Variants in WWOX observed in about 807,000 individuals in gnomAD.
WWOX encodes WW domain containing oxidoreductase.
WWOX carries 69 observed loss-of-function variants against 46.2 expected under a neutral mutation model. The observed-to-expected ratio is 1.49, with a 90% CI of 1.23 to 1.82. The LOEUF (loss-of-function observed/expected upper bound fraction) is 1.82. WWOX is among the 40% of genes most tolerant of loss of function. The pLI is 0.00. For synonymous variants in WWOX, 359 were observed against 202.6 expected, an observed-to-expected ratio of 1.77 and a Z score of -6.56; for missense variants, 919 against 542.6, an observed-to-expected ratio of 1.69 and a Z score of -6.89.
chr16:78,332,775 A>G (rs1263065395), intron 5 of WWOX, among the ~76,000 whole-genome samples: 1 of 152,118 alleles, frequency 6.6e-6, no homozygotes, highest in Non-Finnish European at 1.5e-5. Flanking sequence ...GTGCATTCAG[A>G]ACTTTACTAA....
intron 8 of WWOX, among the ~76,000 whole-genome samples, chr16:78,567,133 A>G (rs941030067): frequency 6.6e-6 from 1 of 152,220 alleles, no homozygotes; most frequent in African/African-American, 2.4e-5. Flanking sequence ...AGTAAAGATC[A>G]CAAGCCCAAC....
intron 1 of WWOX, among the ~76,000 whole-genome samples, chr16:78,103,381 GC>G (rs778779832): frequency 6.6e-6 from 1 of 151,692 alleles, no homozygotes; most frequent in African/African-American, 2.4e-5. Flanking sequence ...TAGTTGTTCA[GC>G]CCCCCGTGCA....
chr16:78,110,731 T>TC (rs1416122916), intron 3 of WWOX, among the ~76,000 whole-genome samples: 1 of 152,126 alleles, frequency 6.6e-6, no homozygotes, highest in Non-Finnish European at 1.5e-5. Context: ...GGTCATTGGA[T>TC]CCCCACAGTG....
intron 5 of WWOX, among the ~76,000 whole-genome samples, chr16:78,276,403 G>A (rs1035334774): frequency 3.3e-5 from 5 of 152,190 alleles, no homozygotes; most frequent in African/African-American, 4.8e-5. Flanking sequence ...TAACCCAAGC[G>A]ACACATACAA....
chr16:79,048,786 C>G (rs1035540978), intron 8 of WWOX, among the ~76,000 whole-genome samples: 6 of 152,210 alleles, frequency 3.9e-5, no homozygotes, highest in African/African-American at 1.4e-4. Context: ...TCGTTACCAC[C>G]TTTCTGAGAA....
At chr16:78,994,266 C>A (rs1042860372) in intron 8 of WWOX, 1 of 151,938 alleles carries the variant, frequency 6.6e-6, no homozygotes. Context: ...ATTGGAGTAC[C>A]ATTTAAAGAA....
intron 8 of WWOX, among the ~76,000 whole-genome samples, chr16:78,928,459 C>T (rs1013342771): frequency 6.6e-6 from 1 of 152,128 alleles, no homozygotes; most frequent in African/African-American, 2.4e-5. Context: ...GCCTCGGCCT[C>T]CCAAAGTGCT....
chr16:78,426,776 G>T (rs138852443), intron 7 of WWOX, among the ~76,000 whole-genome samples: 1 of 152,156 alleles, frequency 6.6e-6, no homozygotes, highest in Non-Finnish European at 1.5e-5. Flanking sequence ...CGATTCTCCT[G>T]CCTCAGCCTT....
intron 8 of WWOX, among the ~76,000 whole-genome samples, chr16:78,902,474 A>G (rs2044854317): frequency 6.6e-6 from 1 of 152,214 alleles, no homozygotes; most frequent in Admixed American, 6.5e-5. Flanking sequence ...ATGAAAGGCT[A>G]GGGTTAAGGC....
At chr16:78,677,620 C>G (rs1392021763) in intron 8 of WWOX, among the ~76,000 whole-genome samples, 1 of 152,218 alleles carries the variant, frequency 6.6e-6, no homozygotes, top group Non-Finnish European at 1.5e-5. Context: ...ACCTGACTTT[C>G]ACCTTTTATG....
chr16:78,499,421 T>C (rs1213269168), intron 8 of WWOX, among the ~76,000 whole-genome samples: 3 of 152,214 alleles, frequency 2.0e-5, no homozygotes, highest in African/African-American at 7.2e-5. Context: ...TTTTGGCTTG[T>C]ATCCCACCTG....
chr16:78,500,934 T>G (rs923956269), intron 8 of WWOX, among the ~76,000 whole-genome samples: 1 of 152,166 alleles, frequency 6.6e-6, no homozygotes, highest in Non-Finnish European at 1.5e-5. Context: ...GACGGCCAAG[T>G]GATGCAGGTA....
At chr16:78,637,268 C>A (rs1268933689) in intron 8 of WWOX, among the ~76,000 whole-genome samples, 2 of 152,050 alleles carry the variant, frequency 1.3e-5, no homozygotes, top group African/African-American at 4.8e-5. Context: ...AACGACCCTT[C>A]CCATATCTAC....
At chr16:78,504,019 A>C (rs2151478460) in intron 8 of WWOX, among the ~76,000 whole-genome samples, 1 of 152,326 alleles carries the variant, frequency 6.6e-6, no homozygotes, top group African/African-American at 2.4e-5. Context: ...ATAACATTCA[A>C]ATACATCTTA....
chr16:78,834,327 G>C (rs536055053), intron 8 of WWOX, among the ~76,000 whole-genome samples: 1 of 152,226 alleles, frequency 6.6e-6, no homozygotes, highest in South Asian at 2.1e-4. Context: ...TTAAATAAGG[G>C]GTTAATTTAT....
chr16:78,927,611 A>C (rs1004555138), intron 8 of WWOX, among the ~76,000 whole-genome samples: 1 of 152,136 alleles, frequency 6.6e-6, no homozygotes, highest in African/African-American at 2.4e-5. Context: ...TCACATAACT[A>C]TTTGCAGTTG....
At chr16:78,790,609 C>G (rs1176298194) in intron 8 of WWOX, among the ~76,000 whole-genome samples, 1 of 152,150 alleles carries the variant, frequency 6.6e-6, no homozygotes, top group Non-Finnish European at 1.5e-5. Flanking sequence ...CCTGTTTTCT[C>G]TCTGGCAGAT....
At chr16:78,971,432 G>A (rs1189244413) in intron 8 of WWOX, among the ~76,000 whole-genome samples, 1 of 66,230 alleles carries the variant, frequency 1.5e-5, no homozygotes. Context: ...TCCAGTCTGG[G>A]TGACAGACTC....
At chr16:78,215,405 A>G (rs2036687249) in intron 5 of WWOX, among the ~76,000 whole-genome samples, 3 of 152,138 alleles carry the variant, frequency 2.0e-5, no homozygotes, top group Admixed American at 6.5e-5. Flanking sequence ...TGTTCTCGTG[A>G]TAGCACGTGA....
Sources: allele counts gnomAD v4.1 joint callset (sites outside exome capture counted in the v4.1 genomes callset), GRCh38; gene constraint gnomAD v4.1.1; transcripts MANE v1.5; gene names NCBI Gene and HGNC (gene_info 2026-07-23, HGNC 2026-07-21).